The following KCNT1 variants were observed in gnomAD, a reference collection of about 807,000 sequenced individuals.
The protein encoded by KCNT1 is potassium channel subfamily T member 1.
Under a neutral mutation model 147.8 loss-of-function variants are expected in KCNT1, and 78 were observed. That is an observed-to-expected ratio of 0.53 (90% CI 0.44 to 0.64). KCNT1 has a LOEUF of 0.64. Ranked by LOEUF, KCNT1 falls within the 30% of genes least tolerant of loss-of-function variation. The pLI, the probability that KCNT1 is intolerant of heterozygous loss-of-function variation, is 0.00. For synonymous variants in KCNT1, 867 were observed against 748.8 expected (o/e 1.16, Z -2.58); for missense variants, 1,419 against 1,750.3 (o/e 0.81, Z 3.38).
At chr9:135,758,380 C>A (rs747363758) in intron 9 of KCNT1, 34 bp from the exon 10 acceptor site, 106 of 1,537,966 alleles carry the variant, frequency 6.9e-5, no homozygotes, top group Non-Finnish European at 9.1e-5. Flanking sequence ...GGTCCACAGT[C>A]CCTGCCCGCT....
chr9:135,731,958 G>GTA (rs1564327715), intron 2 of KCNT1, among the ~76,000 whole-genome samples: 2 of 35,544 alleles, frequency 5.6e-5, no homozygotes, highest in African/African-American at 1.9e-4. Context: ...TCAAATATGC[G>GTA]TGTATATATA....
At chr9:135,726,692 TCTAC>T (rs1402745624) in intron 2 of KCNT1, among the ~76,000 whole-genome samples, 4 of 150,204 alleles carry the variant, frequency 2.7e-5, no homozygotes, top group South Asian at 4.2e-4. Flanking sequence ...TCTCTCTCTC[TCTAC>T]CTCTCTCCCT....
At chr9:135,732,107 G>T (rs925728924) in intron 2 of KCNT1, among the ~76,000 whole-genome samples, 1 of 146,300 alleles carries the variant, frequency 6.8e-6, no homozygotes, top group Non-Finnish European at 1.5e-5. Context: ...TGCAACCTCC[G>T]CCTCCCAGGT....
chr9:135,747,560 G>A (rs1265859699), intron 2 of KCNT1, among the ~76,000 whole-genome samples: 1 of 152,168 alleles, frequency 6.6e-6, no homozygotes, highest in African/African-American at 2.4e-5. Flanking sequence ...CATCCATTCA[G>A]AGAGAAAGAC....
At chr9:135,776,057 C>T (rs970920210) in intron 20 of KCNT1, among the ~76,000 whole-genome samples, 8 of 152,016 alleles carry the variant, frequency 5.3e-5, no homozygotes, top group East Asian at 1.9e-4. Context: ...CCTGGAAACT[C>T]GGGGGTCAAT....
At chr9:135,703,223 C>G (rs111437474) in intron 1 of KCNT1, 3 of 152,368 alleles carry the variant, frequency 2.0e-5, no homozygotes, top group African/African-American at 7.2e-5. Flanking sequence ...CTGCCTTGGG[C>G]GAACCCCTCC....
At chr9:135,763,475 G>A (rs10117937) in intron 11 of KCNT1, among the ~76,000 whole-genome samples, 2,162 of 152,364 alleles carry the variant, frequency 0.014, 54 homozygotes, top group African/African-American at 0.046. Context: ...TTAAACAGCA[G>A]ATATGTATCC....
intron 30 of KCNT1, 67 bp downstream of exon 30, chr9:135,791,948 G>A (rs1214482878): frequency 6.8e-6 from 11 of 1,610,682 alleles, no homozygotes; most frequent in African/African-American, 1.3e-5. Context: ...GGGAGATGAG[G>A]CCACAGGCAC....
intron 18 of KCNT1, among the ~76,000 whole-genome samples, chr9:135,772,168 A>G (rs1190947384): frequency 6.6e-6 from 1 of 152,158 alleles, no homozygotes; most frequent in African/African-American, 2.4e-5. Context: ...TCACCTGCGC[A>G]GTAGGCACTC....
chr9:135,755,517 C>T (rs2131428980), intron 6 of KCNT1, among the ~76,000 whole-genome samples: 1 of 146,834 alleles, frequency 6.8e-6, no homozygotes, highest in Middle Eastern at 4.0e-3. Context: ...GCTCAGTGAG[C>T]ACTGAGTACA....
chr9:135,735,800 CAG>C (rs1461544409), intron 2 of KCNT1, among the ~76,000 whole-genome samples: 1 of 152,196 alleles, frequency 6.6e-6, no homozygotes, highest in Non-Finnish European at 1.5e-5. Context: ...CTGCTGAGGA[CAG>C]GGGCGCATCT....
chr9:135,713,516 G>A (rs72770342), intron 1 of KCNT1, among the ~76,000 whole-genome samples: 3,932 of 152,306 alleles, frequency 0.026, 79 homozygotes, highest in Middle Eastern at 0.051. Flanking sequence ...CTTGAGGAGA[G>A]AGAGGAGAGT....
In KCNT1 at chr9:135,714,175, G is replaced by C. The variant is rs76307323; in HGVS notation, c.111-402G>C. Among the ~76,000 whole-genome samples, 6,937 of 150,628 alleles carry C rather than the reference G, an allele frequency of 0.046. 516 individuals carry two copies. The highest frequency in any genetic ancestry group is 0.16 in the African/African-American group (6,504 of 41,170). On this transcript the variant is annotated intron_variant, in intron 1 of 30. Coordinates refer to ENST00000371757, the MANE Select transcript of KCNT1 (RefSeq NM_020822.3). This position sits in a 1 kb window ranked among gnomAD's most constrained non-coding sequence, Gnocchi z 6.2. Reference sequence around the variant, plus strand: ...CCTGGGGACGGGGAGGGGAGCTGGGGAGTTGGGAGGGGTTGCAGGGGTGTG... The same window carrying C: ...CCTGGGGACGGGGAGGGGAGCTGGGCAGTTGGGAGGGGTTGCAGGGGTGTG...
Position 135,778,500 on chromosome 9 carries a change from G to C in KCNT1, c.2594+5G>C. 6.3e-7 allele frequency: 1 copy of C among 1,576,542 alleles called. No individual in the cohort carries two copies. Among genetic ancestry groups the C allele is most frequent in the Non-Finnish European group, 8.6e-7 (1 of 1,160,872 alleles). The stretch of plus-strand genomic sequence containing the variant: ...CATGGAGGGCTCTGTGGACAAGTAA[G>C]GCGTGGCCGGCCGAGGCTCGTGGGG... On this transcript the variant is annotated splice_donor_5th_base_variant and intron_variant, in intron 22 of 30. Coordinates refer to ENST00000371757, the MANE Select transcript of KCNT1 (RefSeq NM_020822.3).
chr9:135,764,080 C>T (rs10125031), intron 11 of KCNT1, among the ~76,000 whole-genome samples: 1 of 152,032 alleles, frequency 6.6e-6, no homozygotes, highest in South Asian at 2.1e-4. Context: ...AAGTGCAATG[C>T]GATGGTCCCA....
chr9:135,747,789 C>G (rs1449408669), intron 2 of KCNT1, among the ~76,000 whole-genome samples: 3 of 152,194 alleles, frequency 2.0e-5, no homozygotes, highest in Admixed American at 1.3e-4. Context: ...GAGGCTTGTC[C>G]CACTGCCTGG....
chr9:135,770,544 C>T (rs563991804), intron 17 of KCNT1, 97 bp downstream of exon 17: 18 of 1,467,028 alleles, frequency 1.2e-5, no homozygotes, highest in East Asian at 1.2e-4. Flanking sequence ...GGCCCTGGGG[C>T]GGGGCTGCAG....
At chr9:135,758,350 T>C in intron 9 of KCNT1, 64 bp from the exon 10 acceptor site, 2 of 1,236,346 alleles carry the variant, frequency 1.6e-6, no homozygotes, top group Admixed American at 1.7e-5. Context: ...TTCTAGTCTC[T>C]ATTCATTGGC....
chr9:135,711,237 G>A (rs1448140900), intron 1 of KCNT1, among the ~76,000 whole-genome samples: 2 of 152,206 alleles, frequency 1.3e-5, no homozygotes, highest in East Asian at 1.9e-4. Context: ...AGCCTTTGGC[G>A]GGAGAAGCTT....
Sources: gnomAD v4.1 joint callset for allele counts (sites outside exome capture counted in the v4.1 genomes callset) on GRCh38, gnomAD v4.1.1 for gene constraint, Gnocchi (gnomAD v3.1) non-coding constraint, MANE v1.5 for transcripts, NCBI Gene and HGNC (gene_info 2026-07-23, HGNC 2026-07-21) for gene names.